GPR6: variants seen among roughly 807,000 people sequenced by gnomAD.
GPR6 encodes sphingosine 1-phosphate receptor GPR6.
Under a neutral mutation model 18.5 loss-of-function variants are expected in GPR6, and 14 were observed. That is an observed-to-expected ratio of 0.76 (90% CI 0.50 to 1.18). The LOEUF (loss-of-function observed/expected upper bound fraction) is 1.18, where lower values mean the gene tolerates loss of function less well. Ranked by LOEUF, GPR6 falls within the 50% of genes most tolerant of loss-of-function variation. The pLI, the probability that GPR6 is intolerant of heterozygous loss-of-function variation, is 0.00. For synonymous variants in GPR6, 299 were observed against 240.9 expected (o/e 1.24, Z -2.23); for missense variants, 477 against 495.9 (o/e 0.96, Z 0.36).
chr6:109,980,166 G>A lies in GPR6; in HGVS notation c.1054G>A (p.Val352Met), dbSNP rs1562130411. The change falls in exon 2 of 2, where the codon GTG (valine) becomes ATG (methionine). Residue 352 changes from valine (V) to methionine (M), a missense_variant. Transcript: ENST00000275169. ...GCTCTGTGGCTGTTTCCAGTCCAAA[G>A]TGCCCTTTCGTTCCAGGTCTCCCAG... ...LLLCGCFQSK[V>M]PFRSRSPSEV 6.2e-7 allele frequency: 1 copy of A among 1,614,112 alleles called. No individual in the cohort carries two copies. Among genetic ancestry groups the A allele is most frequent in the Admixed American group, 1.7e-5 (1 of 60,014 alleles).
In GPR6 at chr6:109,979,883, C is replaced by G. The variant is rs1351593340; in HGVS notation, c.771C>G (p.His257Gln). The G allele has an allele frequency of 1.2e-6, 2 of 1,610,958 alleles. No homozygotes were observed. Among genetic ancestry groups the G allele is most frequent in the African/African-American group, 2.7e-5 (2 of 74,932 alleles). Residue 257 changes from histidine (H) to glutamine (Q), a missense_variant, in exon 2 of 2, where the codon CAC becomes CAG. Coordinates refer to ENST00000275169, the MANE Select transcript of GPR6 (RefSeq NM_005284.5). The part of the protein sequence containing the change: ...RICQVVWRHA[H>Q]QIALQQHCLA... ...GCCAGGTGGTCTGGCGCCACGCGCA[C>G]CAGATCGCGCTGCAGCAGCACTGCC...
In GPR6 at chr6:109,979,580, C is replaced by A. The variant is rs1015590409; in HGVS notation, c.468C>A (p.Val156=). The A allele has an allele frequency of 1.9e-6, 3 of 1,612,768 alleles. No individual in the cohort carries two copies. The highest frequency in any genetic ancestry group is 2.5e-6 in the Non-Finnish European group (3 of 1,180,010). The change falls in exon 2 of 2, where the codon GTC becomes GTA. Residue 156 remains valine, a synonymous_variant. Coordinates refer to ENST00000275169, the MANE Select transcript of GPR6 (RefSeq NM_005284.5). ...GFLVASFAAS[V]SSLLAITVDR... ...TCGTGGCCTCCTTCGCCGCCTCTGT[C>A]AGCAGCCTGCTGGCCATTACGGTGG... is the stretch of plus-strand genomic sequence containing the variant.
In GPR6 at chr6:109,980,231, C is replaced by A; in HGVS notation, c.*30C>A. 1 of 1,613,020 alleles carries A rather than the reference C, an allele frequency of 6.2e-7. No individual in the cohort carries two copies. Among genetic ancestry groups the A allele is most frequent in the Non-Finnish European group, 8.5e-7 (1 of 1,179,686 alleles). On this transcript the variant is annotated 3_prime_UTR_variant, in exon 2 of 2. Coordinates refer to ENST00000275169, the MANE Select transcript of GPR6 (RefSeq NM_005284.5). ...CTCGCCCCGTGTCCTCTCACCAACA[C>A]CACACCCCAACAAGCCAGCCTTTGG...
chr6:109,978,918 A>C, intron 1 of GPR6, 177 bp from the exon 2 acceptor site: 3 of 1,517,446 alleles, frequency 2.0e-6, no homozygotes, highest in Non-Finnish European at 1.8e-6. Flanking sequence ...TCACTCACTC[A>C]CTCAACAGGT....
rs768883379 is a variant in GPR6 at position 109,979,426 on chromosome 6, C to T, written c.314C>T (p.Thr105Met). 1.2e-6 allele frequency: 2 copies of T among 1,613,376 alleles called. No homozygotes were observed. Among genetic ancestry groups the T allele is most frequent in the Non-Finnish European group, 8.5e-7 (1 of 1,179,994 alleles). ...ALIASTPALR[T>M]PMFVLVGSLA... Reference sequence around the variant, plus strand: ...ATCGCGTCCACTCCGGCGCTGCGCACGCCCATGTTCGTGCTGGTAGGCAGC... The same window carrying T: ...ATCGCGTCCACTCCGGCGCTGCGCATGCCCATGTTCGTGCTGGTAGGCAGC... Residue 105 changes from threonine (T) to methionine (M), a missense_variant, in exon 2 of 2, where the codon ACG (threonine) becomes ATG (methionine). Physicochemically the swap from Thr to Met is moderately conservative, Grantham distance 81. Transcript: ENST00000275169.
In GPR6 at chr6:109,980,537, A is replaced by G. The variant is rs1305817381; in HGVS notation, c.*336A>G. 5 of 299,484 alleles carry G rather than the reference A, an allele frequency of 1.7e-5. No individual in the cohort carries two copies. The highest frequency in any genetic ancestry group is 3.2e-5 in the Non-Finnish European group (5 of 154,588). The allele number at this position is 299,484 out of a possible 1,614,324, so 18.6% of individuals were successfully genotyped here. ...GTTTGTCAAACGAAGACATTCCAAT[A>G]CTGCTTAATTATAGCACTTTATTTT... On this transcript the variant is annotated 3_prime_UTR_variant, in exon 2 of 2. Coordinates refer to ENST00000275169, the MANE Select transcript of GPR6 (RefSeq NM_005284.5).
chr6:109,978,756 C>A (rs1471187454), intron 1 of GPR6: 4 of 1,535,696 alleles, frequency 2.6e-6, no homozygotes, highest in African/African-American at 1.4e-5. Flanking sequence ...CCGCCACAAC[C>A]CAGGCGGGAC....
At chr6:109,978,909 C>T in intron 1 of GPR6, 186 bp from the exon 2 acceptor site, 1 of 1,510,274 alleles carries the variant, frequency 6.6e-7, no homozygotes, top group African/African-American at 1.4e-5. Flanking sequence ...GTGGGCATTT[C>T]ACTCACTCAC....
chr6:109,979,288 A>G lies in GPR6; in HGVS notation c.176A>G (p.Gln59Arg). Residue 59 changes from glutamine to arginine, a missense_variant, in exon 2 of 2, where the codon CAG (glutamine) becomes CGG (arginine). Gln to Arg is a conservative substitution (Grantham distance 43). Transcript: ENST00000275169. ...GANGSLELSS[Q>R]LSAGPPGLLL... ...AATGGGTCTCTGGAGCTGTCCTCGC[A>G]GCTGTCGGCTGGGCCACCGGGACTC... 6.2e-7 allele frequency: 1 copy of G among 1,613,112 alleles called. No individual in the cohort carries two copies. Among genetic ancestry groups the G allele is most frequent in the Non-Finnish European group, 8.5e-7 (1 of 1,179,798 alleles).
In GPR6 at chr6:109,979,107, G is replaced by T. The variant is rs202155800; in HGVS notation, c.-6G>T. On this transcript the variant is annotated 5_prime_UTR_variant, in exon 2 of 2. Coordinates refer to ENST00000275169, the MANE Select transcript of GPR6 (RefSeq NM_005284.5). ...CCTCCCTATGCAGGGTGCAAATCCG[G>T]CCGCGATGAACGCGAGCGCCGCCTC... is the stretch of plus-strand genomic sequence containing the variant. 1.1e-4 allele frequency: 171 copies of T among 1,575,624 alleles called. 1 individual carries two copies. The African/African-American group carries it at 2.1e-3, about 20-fold the overall frequency.
In GPR6 at chr6:109,979,484, C is replaced by G; in HGVS notation, c.372C>G (p.Gly124=). 6.2e-7 allele frequency: 1 copy of G among 1,613,396 alleles called. No homozygotes were observed. ...LATADLLAGC[G]LILHFVFQYL... is the part of the protein sequence containing the mutation. ...CCGCTGACCTGTTGGCGGGCTGTGGCCTCATCTTGCACTTTGTGTTCCAGT... is the reference window on the plus strand; with the variant it reads ...CCGCTGACCTGTTGGCGGGCTGTGGGCTCATCTTGCACTTTGTGTTCCAGT... Residue 124 remains glycine, a synonymous_variant, in exon 2 of 2, where the codon GGC becomes GGG. Coordinates refer to ENST00000275169, the MANE Select transcript of GPR6 (RefSeq NM_005284.5).
chr6:109,978,902 G>C, intron 1 of GPR6, 193 bp from the exon 2 acceptor site: 1 of 1,520,912 alleles, frequency 6.6e-7, no homozygotes, highest in East Asian at 2.4e-5. Context: ...AGTCCGCGTG[G>C]GCATTTCACT....
Position 109,979,951 on chromosome 6 carries a change from C to CT in GPR6, c.839_840insT (p.Leu281ThrfsTer25). The CT allele has an allele frequency of 6.2e-7, 1 of 1,613,110 alleles. No individual in the cohort carries two copies. The highest frequency in any genetic ancestry group is 8.5e-7 in the Non-Finnish European group (1 of 1,180,038). The stretch of plus-strand genomic sequence containing the variant: ...GCTGCCACCAGAAAGGGTGTGGGTA[C>CT]ACTGGCTGTGGTGCTGGGCACTTTC... On this transcript the variant is annotated frameshift_variant, in exon 2 of 2. Coordinates refer to ENST00000275169, the MANE Select transcript of GPR6 (RefSeq NM_005284.5). LOFTEE classifies it high-confidence loss of function.
Position 109,979,175 on chromosome 6 carries a change from G to GGCT in GPR6, c.65_66insTGC (p.Ala25dup). The GGCT allele has an allele frequency of 6.3e-7, 1 of 1,592,730 alleles. No homozygotes were observed. The highest frequency in any genetic ancestry group is 8.5e-7 in the Non-Finnish European group (1 of 1,175,812). On this transcript the variant is annotated inframe_insertion, in exon 2 of 2. Transcript: ENST00000275169. Reference sequence around the variant, plus strand: ...TGGTGGTAGTGGCGGCCGAAGGAGCGGCGGCGGCGGCCACAGCAGCAGGGG... The same window carrying GGCT: ...TGGTGGTAGTGGCGGCCGAAGGAGCGGCTGCGGCGGCGGCCACAGCAGCAGGGG...
At position 109,979,923 on chromosome 6, in the gene GPR6, C is replaced by T; in HGVS notation, c.811C>T (p.Leu271Phe). ...LQQHCLAPPH[L>F]AATRKGVGTL... ...GCAGCACTGCCTGGCGCCACCCCAT[C>T]TCGCTGCCACCAGAAAGGGTGTGGG... Residue 271 changes from leucine (L) to phenylalanine (F), a missense_variant, in exon 2 of 2, where the codon CTC becomes TTC. Leu to Phe is a conservative substitution (Grantham distance 22). Coordinates refer to ENST00000275169, the MANE Select transcript of GPR6 (RefSeq NM_005284.5). 5 of 1,612,608 alleles carry T rather than the reference C, an allele frequency of 3.1e-6. No homozygotes were observed. The highest frequency in any genetic ancestry group is 4.2e-6 in the Non-Finnish European group (5 of 1,180,030).
chr6:109,978,753 A>T (rs1235861668), intron 1 of GPR6: 1 of 1,535,610 alleles, frequency 6.5e-7, no homozygotes, highest in Non-Finnish European at 8.7e-7. Context: ...GCGCCGCCAC[A>T]ACCCAGGCGG....
At chr6:109,978,799 T>G in intron 1 of GPR6, 1 of 1,535,682 alleles carries the variant, frequency 6.5e-7, no homozygotes, top group South Asian at 1.2e-5. Flanking sequence ...CTTGGTGCAC[T>G]CGGGTGCGTG....
In GPR6 at chr6:109,980,006, T is replaced by C. The variant is rs779346974; in HGVS notation, c.894T>C (p.Tyr298=). The C allele has an allele frequency of 6.2e-7, 1 of 1,613,540 alleles. No homozygotes were observed. The highest frequency in any genetic ancestry group is 1.1e-5 in the South Asian group (1 of 91,086). ...CCAGCTGGCTGCCCTTCGCCATCTA[T>C]TGCGTGGTGGGCAGCCATGAGGACC... ...FGASWLPFAI[Y]CVVGSHEDPA... The change falls in exon 2 of 2, where the codon TAT becomes TAC. Residue 298 remains tyrosine, a synonymous_variant. Transcript: ENST00000275169.
chr6:109,978,907 TTCAC>T (rs1167649896), intron 1 of GPR6, 184 bp from the exon 2 acceptor site: 44 of 1,518,746 alleles, frequency 2.9e-5, no homozygotes, highest in Middle Eastern at 1.7e-4. Flanking sequence ...GCGTGGGCAT[TTCAC>T]TCACTCACTC....
Sources: gnomAD v4.1 joint callset for allele counts on GRCh38, gnomAD v4.1.1 for gene constraint, MANE v1.5 for transcripts, NCBI Gene and HGNC (gene_info 2026-07-23, HGNC 2026-07-21) for gene names.